The following ARFGEF1 variants were observed in gnomAD, a reference collection of about 807,000 sequenced individuals.
ARFGEF1 encodes the protein ARF guanine nucleotide exchange factor 1, also known as brefeldin A-inhibited guanine nucleotide-exchange protein 1.
In ARFGEF1, 42 loss-of-function variants were observed where a neutral mutation model predicts 231.0. The observed-to-expected ratio is 0.18, with a 90% CI of 0.14 to 0.24. The LOEUF is 0.24. Among genes scored for constraint, ARFGEF1 ranks in the 10% least tolerant of loss-of-function variants. ARFGEF1 has a pLI of 1.00. For synonymous variants in ARFGEF1, 710 were observed against 732.3 expected, an observed-to-expected ratio of 0.97 and a Z score of 0.49; for missense variants, 1,345 against 2,192.0, an observed-to-expected ratio of 0.61 and a Z score of 7.72.
chr8:67,200,139 T>A (rs762529649), intron 38 of ARFGEF1: 6 of 474,452 alleles, frequency 1.3e-5, no homozygotes, highest in Admixed American at 8.1e-5. Flanking sequence ...TGTCAAGGTA[T>A]CCCAAGGGAT....
At chr8:67,200,555 A>G (rs771758843) in intron 37 of ARFGEF1, 42 bp from the exon 38 acceptor site, 15 of 1,219,286 alleles carry the variant, frequency 1.2e-5, no homozygotes, top group Non-Finnish European at 1.7e-5. Flanking sequence ...TTGCGTATCT[A>G]CTGGTCCCCA....
At chr8:67,276,739 T>C (rs1371894546) in intron 8 of ARFGEF1, among the ~76,000 whole-genome samples, 2 of 152,096 alleles carry the variant, frequency 1.3e-5, no homozygotes, top group Admixed American at 6.6e-5. Flanking sequence ...ACAACACAGG[T>C]TGAGTTACCT....
chr8:67,340,414 C>T (rs1808573153), intron 1 of ARFGEF1, among the ~76,000 whole-genome samples: 1 of 152,224 alleles, frequency 6.6e-6, no homozygotes, highest in South Asian at 2.1e-4. Flanking sequence ...CTTTCCCATC[C>T]TGCTTAATGG....
chr8:67,240,155 C>T lies in ARFGEF1; in HGVS notation c.2979+7G>A. On this transcript the variant is annotated splice_region_variant and intron_variant, in intron 20 of 38. Coordinates refer to ENST00000262215, the MANE Select transcript of ARFGEF1 (RefSeq NM_006421.5). ...AAACTGGCTACAAAGACAAAATTCT[C>T]TGTTACCTGAATGCTGAAAATGCAT... 1 of 1,607,006 alleles carries T rather than the reference C, an allele frequency of 6.2e-7. No individual in the cohort carries two copies. The highest frequency in any genetic ancestry group is 1.3e-5 in the African/African-American group (1 of 74,770).
At chr8:67,316,535 A>C (rs891933412) in intron 1 of ARFGEF1, among the ~76,000 whole-genome samples, 2 of 151,590 alleles carry the variant, frequency 1.3e-5, no homozygotes, top group Non-Finnish European at 2.9e-5. Context: ...ATCACAGCTC[A>C]CTGCAGCCTA....
At chr8:67,221,370 G>A (rs1025417805) in intron 29 of ARFGEF1, among the ~76,000 whole-genome samples, 3 of 152,104 alleles carry the variant, frequency 2.0e-5, no homozygotes, top group Non-Finnish European at 4.4e-5. Context: ...TTCCAATGGC[G>A]TAAGATGTGG....
intron 1 of ARFGEF1, among the ~76,000 whole-genome samples, chr8:67,335,831 C>T (rs1306030435): frequency 3.7e-4 from 56 of 152,108 alleles, no homozygotes; most frequent in Non-Finnish European, 2.2e-4. Context: ...ACTGCAACCT[C>T]CGCCTTCCAG....
chr8:67,266,988 C>T lies in ARFGEF1; in HGVS notation c.1813-4G>A. On this transcript the variant is annotated splice_polypyrimidine_tract_variant and splice_region_variant and intron_variant, in intron 12 of 38. Coordinates refer to ENST00000262215, the MANE Select transcript of ARFGEF1 (RefSeq NM_006421.5). Reference sequence around the variant, plus strand: ...CTTTTTTCCTCAGGCTCAATTCCTACAAAGTAATTCAAAAACAAAATTTTT... The same window carrying T: ...CTTTTTTCCTCAGGCTCAATTCCTATAAAGTAATTCAAAAACAAAATTTTT... The T allele has an allele frequency of 2.5e-6, 4 of 1,609,948 alleles. No homozygotes were observed. Among genetic ancestry groups the T allele is most frequent in the Non-Finnish European group, 2.5e-6 (3 of 1,178,792 alleles).
At chr8:67,218,208 ATATATAT>A (rs1322614290) in intron 30 of ARFGEF1, 70 bp from the exon 31 acceptor site, 14 of 81,188 alleles carry the variant, frequency 1.7e-4, no homozygotes, top group Non-Finnish European at 2.7e-4. Context: ...AAAAAAAAAA[ATATATAT>A]ATATATATAT....
At chr8:67,202,461 G>C (rs1047645060) in intron 36 of ARFGEF1, among the ~76,000 whole-genome samples, 4 of 152,014 alleles carry the variant, frequency 2.6e-5, no homozygotes, top group African/African-American at 9.7e-5. Flanking sequence ...GTCTTGCTAT[G>C]TTGGCCAGGG....
intron 22 of ARFGEF1, among the ~76,000 whole-genome samples, chr8:67,235,873 T>G (rs1424872318): frequency 6.6e-6 from 1 of 152,140 alleles, no homozygotes; most frequent in Non-Finnish European, 1.5e-5. Context: ...TCTTAATAAC[T>G]GAAAGTTTCG....
At chr8:67,245,618 A>T (rs1194549121) in intron 19 of ARFGEF1, among the ~76,000 whole-genome samples, 1 of 150,398 alleles carries the variant, frequency 6.6e-6, no homozygotes, top group Non-Finnish European at 1.5e-5. Context: ...AAAAAATAAA[A>T]AGTAAGAAAT....
chr8:67,175,371 A>G, downstream of ARFGEF1: 1 of 1,614,208 alleles, frequency 6.2e-7, no homozygotes, highest in Non-Finnish European at 8.5e-7. Flanking sequence ...GAGATTCAGC[A>G]GCAAGCCCTG....
chr8:67,195,355 G>A, downstream of ARFGEF1: 2 of 1,538,870 alleles, frequency 1.3e-6, no homozygotes, highest in South Asian at 1.1e-5. Context: ...TGTGTTACCT[G>A]AGCCACGTGT....
At chr8:67,232,773 A>C in intron 23 of ARFGEF1, 82 bp downstream of exon 23, 6 of 1,019,564 alleles carry the variant, frequency 5.9e-6, no homozygotes, top group South Asian at 3.4e-5. Context: ...TTTGGCAATA[A>C]TATTTTTCTT....
At chr8:67,278,738 C>T (rs1489410183) in intron 7 of ARFGEF1, among the ~76,000 whole-genome samples, 1 of 151,408 alleles carries the variant, frequency 6.6e-6, no homozygotes, top group African/African-American at 2.4e-5. Flanking sequence ...CCCAGCTACT[C>T]GGGAGGCTGA....
chr8:67,303,725 A>T (rs114846285), intron 1 of ARFGEF1, among the ~76,000 whole-genome samples: 9,003 of 151,878 alleles, frequency 0.059, 543 homozygotes, highest in African/African-American at 0.15. Flanking sequence ...TAAAAAAAAA[A>T]AAAAATAATA....
intron 7 of ARFGEF1, among the ~76,000 whole-genome samples, chr8:67,282,132 T>C (rs1394639705): frequency 6.6e-6 from 1 of 151,810 alleles, no homozygotes; most frequent in East Asian, 1.9e-4. Flanking sequence ...AATACAAAAA[T>C]TAAAAACTAA....
intron 1 of ARFGEF1, among the ~76,000 whole-genome samples, chr8:67,337,042 T>G (rs1401460369): frequency 1.4e-5 from 2 of 138,724 alleles, no homozygotes; most frequent in African/African-American, 5.5e-5. Context: ...GGCAGGAGAA[T>G]GGCGTGAACT....
Sources: gnomAD v4.1 joint callset for allele counts (sites outside exome capture counted in the v4.1 genomes callset) on GRCh38, gnomAD v4.1.1 for gene constraint, MANE v1.5 for transcripts, NCBI Gene and HGNC (gene_info 2026-07-23, HGNC 2026-07-21) for gene names.